GDAP2: variants seen among roughly 807,000 people sequenced by gnomAD.
GDAP2 encodes ganglioside-induced differentiation-associated protein 2.
A neutral mutation model predicts 67.0 loss-of-function variants in GDAP2; 51 were observed. The ratio of observed to expected loss-of-function variants is 0.76; its 90% CI spans 0.61 to 0.96. The LOEUF is 0.96. Ranked by LOEUF, GDAP2 falls within the 40% of genes least tolerant of loss-of-function variation. The pLI, the probability that GDAP2 is intolerant of heterozygous loss-of-function variation, is 0.00. For missense variants in GDAP2, 547 were observed against 588.3 expected (o/e 0.93, Z 0.73); for synonymous variants, 203 against 207.3 (o/e 0.98, Z 0.18).
chr1:117,894,196 G>GT lies in GDAP2; in HGVS notation c.953+2636dup, dbSNP rs551241668. 2.7e-4 allele frequency among the ~76,000 whole-genome samples: 41 copies of GT among 151,346 alleles called. No homozygotes were observed. The East Asian group carries it at 3.7e-3, about 14-fold the overall frequency. Reference sequence around the variant, plus strand: ...TCTCTTTCGCCCAGGCAGGAGTGCAGTGGTGTGATCACAGCTCACTGCAAT... The same window carrying GT: ...TCTCTTTCGCCCAGGCAGGAGTGCAGTTGGTGTGATCACAGCTCACTGCAAT... On this transcript the variant is annotated intron_variant, in intron 8 of 13. Transcript: ENST00000369443.
chr1:117,879,670 C>T (rs1159575751), intron 12 of GDAP2, among the ~76,000 whole-genome samples: 1 of 151,950 alleles, frequency 6.6e-6, no homozygotes, highest in Middle Eastern at 3.2e-3. Context: ...TACTACTTGC[C>T]TGAGATGATA....
rs1359578248 is a variant in GDAP2, at chr1:117,870,608, C to T, written c.1455G>A (p.Gly485=). The T allele has an allele frequency of 1.9e-6, 3 of 1,599,138 alleles. No individual in the cohort carries two copies. Among genetic ancestry groups the T allele is most frequent in the Admixed American group, 1.7e-5 (1 of 59,928 alleles). The change falls in exon 14 of 14, where the codon GGG becomes GGA. Residue 485 remains glycine, a synonymous_variant. Transcript: ENST00000369443. ...ATGGGGGATATGATGTATAGTAAGG[C>T]CCGTTTTCCTGTGGAAAGAAAAAAG... ...FVLEYDAREN[G]PYYTSYPPSP...
intron 10 of GDAP2, among the ~76,000 whole-genome samples, chr1:117,885,911 C>G (rs1256942838): frequency 6.6e-6 from 1 of 152,070 alleles, no homozygotes; most frequent in African/African-American, 2.4e-5. Flanking sequence ...TGAATAGTGT[C>G]AGGGCCTATA....
At chr1:117,906,762 G>T (rs1276499370) in intron 5 of GDAP2, among the ~76,000 whole-genome samples, 180 bp from the exon 6 acceptor site, 1 of 152,138 alleles carries the variant, frequency 6.6e-6, no homozygotes, top group Admixed American at 6.6e-5. Flanking sequence ...ATTCTGATTT[G>T]CTTTCCTCCA....
rs1013189932 is a variant in GDAP2, at chr1:117,912,608, G to C, written c.392C>G (p.Pro131Arg). The C allele has an allele frequency of 1.1e-5, 18 of 1,613,404 alleles. 1 individual carries two copies. The South Asian group carries it at 1.4e-4, about 13-fold the overall frequency. The change falls in exon 4 of 14, where the codon CCT becomes CGT. Residue 131 changes from proline (P) to arginine (R), a missense_variant. Transcript: ENST00000369443. ...TGTGCGATAGCGGCTTTTATATTTA[G>C]GTCCCACTGTGTGAATGATGAACCG... ...AARFIIHTVG[P>R]KYKSRYRTAA...
chr1:117,925,431 G>C (rs1022397338), intron 1 of GDAP2, among the ~76,000 whole-genome samples: 1 of 152,176 alleles, frequency 6.6e-6, no homozygotes, highest in African/African-American at 2.4e-5. Flanking sequence ...CCAGCACGGT[G>C]ACAGAGCAAA....
Position 117,912,524 on chromosome 1 carries a change from C to T in GDAP2, c.470+6G>A, listed in dbSNP as rs763031691. ...ATGCTATGTCCAGAAAATGAGTAGA[C>T]CATACTTTGCTAGTTGAAGTACGTT... On this transcript the variant is annotated splice_donor_region_variant and intron_variant, in intron 4 of 13. Coordinates refer to ENST00000369443, the MANE Select transcript of GDAP2 (RefSeq NM_017686.4). 4.3e-6 allele frequency: 7 copies of T among 1,610,906 alleles called. No homozygotes were observed. The East Asian group carries it at 1.1e-4, about 26-fold the overall frequency.
chr1:117,870,655 G>A, intron 13 of GDAP2, 39 bp from the exon 14 acceptor site: 1 of 1,314,754 alleles, frequency 7.6e-7, no homozygotes, highest in Non-Finnish European at 1.1e-6. Flanking sequence ...TTAAGTAACA[G>A]AACCAATTTA....
intron 6 of GDAP2, among the ~76,000 whole-genome samples, chr1:117,900,565 A>G (rs889810735): frequency 6.5e-4 from 99 of 152,244 alleles, no homozygotes; most frequent in African/African-American, 2.2e-3. Flanking sequence ...CAGGAGATTG[A>G]TATCAACCTG....
At chr1:117,880,879 A>G (rs1648626537) in intron 12 of GDAP2, among the ~76,000 whole-genome samples, 2 of 152,222 alleles carry the variant, frequency 1.3e-5, no homozygotes, top group African/African-American at 4.8e-5. Context: ...TAATGTCATT[A>G]CTATGGGATT....
At position 117,870,292 on chromosome 1, in the gene GDAP2, T is replaced by C. The variant is rs771042996; in HGVS notation, c.*277A>G. Reference sequence around the variant, plus strand: ...TCGGTGTCCTTCAGGAAACTAAAGATACTCAAAAGTTGCTCCCCAATTTCT... The same window carrying C: ...TCGGTGTCCTTCAGGAAACTAAAGACACTCAAAAGTTGCTCCCCAATTTCT... On this transcript the variant is annotated 3_prime_UTR_variant, in exon 14 of 14. Coordinates refer to ENST00000369443, the MANE Select transcript of GDAP2 (RefSeq NM_017686.4). 4.5e-6 allele frequency: 2 copies of C among 440,300 alleles called. No homozygotes were observed. The highest frequency in any genetic ancestry group is 8.1e-6 in the Non-Finnish European group (2 of 247,512). 27.3% of individuals were successfully genotyped at this position (440,300 alleles called of 1,614,324 possible). A position where few individuals can be genotyped will look rare whatever the true frequency, so the allele number is the denominator to read the frequency against.
In GDAP2 at chr1:117,911,836, T is replaced by C. The variant is rs201367078; in HGVS notation, c.559+158A>G. Reference sequence around the variant, plus strand: ...CTGGAGTGCAGTGGCTATTCATAGATGCAATCACAGCTCACTGCAGCCTTA... The same window carrying C: ...CTGGAGTGCAGTGGCTATTCATAGACGCAATCACAGCTCACTGCAGCCTTA... On this transcript the variant is annotated intron_variant, in intron 5 of 13. Transcript: ENST00000369443. 2.6e-5 allele frequency among the ~76,000 whole-genome samples: 4 copies of C among 151,834 alleles called. No homozygotes were observed. In the East Asian group the frequency reaches 7.7e-4, roughly 29 times the overall value.
rs1648129940 is a variant in GDAP2, at chr1:117,867,849, A to G, written c.*2720T>C. ...CCTTTTTTAAGAGGTAATTTTCACTATCAAGAAACTTGGATATAGATGAAT... is the reference window on the plus strand; with the variant it reads ...CCTTTTTTAAGAGGTAATTTTCACTGTCAAGAAACTTGGATATAGATGAAT... On this transcript the variant is annotated 3_prime_UTR_variant, in exon 14 of 14. Transcript: ENST00000369443. 6.6e-6 allele frequency: 1 copy of G among 152,214 alleles called. No homozygotes were observed. The highest frequency in any genetic ancestry group is 2.1e-4 in the South Asian group (1 of 4,828). The allele number at this position is 152,214 out of a possible 1,614,324, so 9.4% of individuals were successfully genotyped here.
At chr1:117,903,212 G>A (rs114312685) in intron 6 of GDAP2, among the ~76,000 whole-genome samples, 1,647 of 152,108 alleles carry the variant, frequency 0.011, 27 homozygotes, top group African/African-American at 0.038. Context: ...AGATCATGCC[G>A]TCTGCAAATA....
At chr1:117,893,339 A>G (rs1271363345) in intron 8 of GDAP2, among the ~76,000 whole-genome samples, 1 of 152,218 alleles carries the variant, frequency 6.6e-6, no homozygotes, top group Admixed American at 6.5e-5. Flanking sequence ...CACCCAAATC[A>G]GAATCACAAC....
rs1289616786 is a variant in GDAP2, at chr1:117,869,905, C to T, written c.*664G>A. 6.6e-6 allele frequency: 1 copy of T among 152,250 alleles called. No homozygotes were observed. Among genetic ancestry groups the T allele is most frequent in the African/African-American group, 2.4e-5 (1 of 41,440 alleles). 9.4% of individuals were successfully genotyped at this position (152,250 alleles called of 1,614,324 possible). ...AAGATACAGTCTTCTTGTTTCACCC[C>T]ACACTGTTGAGATCGGAACTGTGGC... On this transcript the variant is annotated 3_prime_UTR_variant, in exon 14 of 14. Coordinates refer to ENST00000369443, the MANE Select transcript of GDAP2 (RefSeq NM_017686.4).
At chr1:117,904,457 G>A (rs370251145) in intron 6 of GDAP2, among the ~76,000 whole-genome samples, 3 of 152,104 alleles carry the variant, frequency 2.0e-5, no homozygotes, top group African/African-American at 7.2e-5. Context: ...GATACAAAGA[G>A]GTAAATGTCT....
chr1:117,870,381 T>A lies in GDAP2; in HGVS notation c.*188A>T. ...ATATACAAATTTAAAATGTGTGCAG[T>A]TCAGAATGGCCTACCATTTTTAGAT... On this transcript the variant is annotated 3_prime_UTR_variant, in exon 14 of 14. Coordinates refer to ENST00000369443, the MANE Select transcript of GDAP2 (RefSeq NM_017686.4). 1 of 584,022 alleles carries A rather than the reference T, an allele frequency of 1.7e-6. No individual in the cohort carries two copies. Among genetic ancestry groups the A allele is most frequent in the Non-Finnish European group, 3.1e-6 (1 of 327,236 alleles). The allele number at this position is 584,022 out of a possible 1,614,324, so 36.2% of individuals were successfully genotyped here.
chr1:117,869,036 C>G lies in GDAP2; in HGVS notation c.*1533G>C, dbSNP rs1648168504. ...AATGAAGAGAATATGTTTCTTTGAT[C>G]TCCAATGAAGAATTAGTTTGGGCAG... On this transcript the variant is annotated 3_prime_UTR_variant, in exon 14 of 14. Coordinates refer to ENST00000369443, the MANE Select transcript of GDAP2 (RefSeq NM_017686.4). The G allele has an allele frequency of 6.6e-6, 1 of 152,054 alleles. No homozygotes were observed. The highest frequency in any genetic ancestry group is 2.1e-4 in the South Asian group (1 of 4,816). The allele number at this position is 152,054 out of a possible 1,614,324, so 9.4% of individuals were successfully genotyped here.
Sources: allele counts gnomAD v4.1 joint callset (sites outside exome capture counted in the v4.1 genomes callset), GRCh38; gene constraint gnomAD v4.1.1; transcripts MANE v1.5; gene names NCBI Gene and HGNC (gene_info 2026-07-23, HGNC 2026-07-21).